The following DLGAP2 variants were observed in gnomAD, a reference collection of about 807,000 sequenced individuals.
The protein encoded by DLGAP2 is disks large-associated protein 2.
In DLGAP2, 26 loss-of-function variants were observed where a neutral mutation model predicts 100.3. The ratio of observed to expected loss-of-function variants is 0.26; its 90% CI spans 0.19 to 0.36. The LOEUF (loss-of-function observed/expected upper bound fraction) is 0.36, where lower values mean the gene tolerates loss of function less well. DLGAP2 is among the 10% of genes least tolerant of loss of function. The pLI is 1.00. For synonymous variants in DLGAP2, 886 were observed against 630.1 expected (o/e 1.41, Z -6.08); for missense variants, 1,858 against 1,453.2 (o/e 1.28, Z -4.53).
chr8:1,377,263 G>T (rs947527994), intron 3 of DLGAP2, among the ~76,000 whole-genome samples: 2 of 152,168 alleles, frequency 1.3e-5, no homozygotes, highest in South Asian at 2.1e-4. Context: ...ACAGGTCTTC[G>T]GCCGAGCGCA....
chr8:967,992 C>G (rs955525944), intron 2 of DLGAP2, among the ~76,000 whole-genome samples: 1 of 150,488 alleles, frequency 6.6e-6, no homozygotes, highest in Non-Finnish European at 1.5e-5. Context: ...TAGCTTCTCT[C>G]CTGATACACA....
intron 1 of DLGAP2, among the ~76,000 whole-genome samples, chr8:824,875 C>T (rs1039440050): frequency 3.9e-5 from 6 of 152,172 alleles, no homozygotes; most frequent in South Asian, 2.1e-4. Flanking sequence ...TGGAGCACCC[C>T]GCATTGTCCC....
At chr8:1,558,486 A>G (rs1415558433) in intron 5 of DLGAP2, among the ~76,000 whole-genome samples, 2 of 152,066 alleles carry the variant, frequency 1.3e-5, no homozygotes, top group Non-Finnish European at 2.9e-5. Context: ...GACACATACA[A>G]ACATGCACAC....
intron 8 of DLGAP2, among the ~76,000 whole-genome samples, chr8:1,650,906 G>A (rs56284202): frequency 8.6e-6 from 1 of 116,450 alleles, no homozygotes; most frequent in African/African-American, 4.2e-5. Context: ...GGAGAGTAGA[G>A]ACAGAAGCTT....
chr8:990,308 CAG>C (rs1563131658), intron 2 of DLGAP2, among the ~76,000 whole-genome samples: 48 of 148,780 alleles, frequency 3.2e-4, no homozygotes, highest in South Asian at 8.5e-4. Context: ...GAAAGTGGCC[CAG>C]ACCCCCTGCA....
At chr8:1,034,557 G>C (rs1372562370) in intron 2 of DLGAP2, among the ~76,000 whole-genome samples, 4 of 90,128 alleles carry the variant, frequency 4.4e-5, no homozygotes, top group African/African-American at 2.2e-4. Context: ...ACCGCGAGTG[G>C]ACTCACACGC....
In DLGAP2 at chr8:1,156,611, C is replaced by T. The variant is rs144612457; in HGVS notation, c.74-102240C>T. ...CAGCCCAGCGCCCCAGCCTAGCGTC[C>T]CAGCCCAGCGCCCCAGCCCAGCGCC... On this transcript the variant is annotated intron_variant, in intron 2 of 14. Coordinates refer to ENST00000637795, the MANE Select transcript of DLGAP2 (RefSeq NM_001346810.2). Among the ~76,000 whole-genome samples, 421 of 49,398 alleles carry T rather than the reference C, an allele frequency of 8.5e-3. 1 individual carries two copies. Among genetic ancestry groups the T allele is most frequent in the African/African-American group, 0.022 (379 of 17,324 alleles). 32.4% of individuals were successfully genotyped at this position (49,398 alleles called of 152,430 possible). A position where few individuals can be genotyped will look rare whatever the true frequency, so the allele number is the denominator to read the frequency against.
intron 6 of DLGAP2, among the ~76,000 whole-genome samples, chr8:1,582,743 C>G (rs539764771): frequency 1.2e-4 from 19 of 152,154 alleles, no homozygotes; most frequent in Non-Finnish European, 2.8e-4. Flanking sequence ...GTGTGCACCA[C>G]CACACCCGAC....
chr8:1,211,481 C>G (rs75445726), intron 2 of DLGAP2, among the ~76,000 whole-genome samples: 9,371 of 152,320 alleles, frequency 0.062, 424 homozygotes, highest in African/African-American at 0.12. Flanking sequence ...AATTTCCCAA[C>G]AATGATATAA....
intron 2 of DLGAP2, among the ~76,000 whole-genome samples, chr8:1,069,176 T>A (rs2129036922): frequency 6.6e-6 from 1 of 152,302 alleles, no homozygotes; most frequent in East Asian, 1.9e-4. Context: ...GGAGAACGAA[T>A]TGGGCCCCAA....
chr8:919,191 A>T (rs1213861824), intron 2 of DLGAP2, among the ~76,000 whole-genome samples: 20 of 152,218 alleles, frequency 1.3e-4, no homozygotes, highest in Admixed American at 1.3e-3. Context: ...AAGACTTGAC[A>T]TTGTAATTGA....
chr8:968,918 G>A (rs1203576210), intron 2 of DLGAP2, among the ~76,000 whole-genome samples: 1 of 152,124 alleles, frequency 6.6e-6, no homozygotes, highest in African/African-American at 2.4e-5. Flanking sequence ...CATTATGGTG[G>A]GATTTGCTGT....
intron 6 of DLGAP2, among the ~76,000 whole-genome samples, chr8:1,623,554 CCTGGCACCAGTGCGT>C (rs1797408020): frequency 1.3e-5 from 2 of 150,750 alleles, no homozygotes; most frequent in Non-Finnish European, 3.0e-5. Flanking sequence ...TGCGTGATAA[CCTGGCACCAGTGCGT>C]GATGACCTGA....
chr8:1,569,841 G>A (rs796106844), intron 6 of DLGAP2, among the ~76,000 whole-genome samples: 14 of 151,940 alleles, frequency 9.2e-5, no homozygotes, highest in African/African-American at 4.8e-5. Flanking sequence ...ACTGTTCTGC[G>A]GAGGGCAGGA....
At chr8:1,191,381 A>T (rs538156587) in intron 2 of DLGAP2, among the ~76,000 whole-genome samples, 114 of 152,238 alleles carry the variant, frequency 7.5e-4, no homozygotes, top group Non-Finnish European at 1.3e-3. Flanking sequence ...CGTGTTAGCC[A>T]GGATGGTCTT....
At position 855,068 on chromosome 8, in the gene DLGAP2, G is replaced by T. The variant is rs148753013; in HGVS notation, c.19-52844G>T. Among the ~76,000 whole-genome samples the T allele has an allele frequency of 2.7e-3, 406 of 152,304 alleles. 5 individuals carry two copies. Among genetic ancestry groups the T allele is most frequent in the African/African-American group, 9.3e-3 (386 of 41,566 alleles). ...AGTGATGGTAGGCGCTTGCCGAGTGGTGGGGAGGAGGCGGGAGCAGGTCCT... is the reference window on the plus strand; with the variant it reads ...AGTGATGGTAGGCGCTTGCCGAGTGTTGGGGAGGAGGCGGGAGCAGGTCCT... On this transcript the variant is annotated intron_variant, in intron 1 of 14. Coordinates refer to ENST00000637795, the MANE Select transcript of DLGAP2 (RefSeq NM_001346810.2).
At chr8:1,310,125 G>A (rs1417797084) in intron 3 of DLGAP2, among the ~76,000 whole-genome samples, 1 of 150,944 alleles carries the variant, frequency 6.6e-6, no homozygotes, top group Non-Finnish European at 1.5e-5. Context: ...TATAAATCTA[G>A]GGTTCTATGT....
At chr8:1,447,451 G>A (rs1798012734) in intron 3 of DLGAP2, among the ~76,000 whole-genome samples, 2 of 152,184 alleles carry the variant, frequency 1.3e-5, no homozygotes, top group South Asian at 4.1e-4. Flanking sequence ...TGATCATGGT[G>A]GATAAGCTTT....
Position 1,333,011 on chromosome 8 carries a change from G to A in DLGAP2, c.106+74128G>A, listed in dbSNP as rs146568732. Among the ~76,000 whole-genome samples, 207 of 152,274 alleles carry A rather than the reference G, an allele frequency of 1.4e-3. 2 individuals are homozygous for A. Among genetic ancestry groups the A allele is most frequent in the South Asian group, 0.012 (56 of 4,826 alleles). On this transcript the variant is annotated intron_variant, in intron 3 of 14. Transcript: ENST00000637795. The stretch of plus-strand genomic sequence containing the variant: ...GCCCCCCTTCCTCGAATGGTGTGGA[G>A]CATCAGGGCAGGGGCAGCCCTGTGA...
Sources: allele counts gnomAD v4.1 joint callset (sites outside exome capture counted in the v4.1 genomes callset), GRCh38; gene constraint gnomAD v4.1.1; transcripts MANE v1.5; gene names NCBI Gene and HGNC (gene_info 2026-07-23, HGNC 2026-07-21).